The following CPVL variants were observed in gnomAD, a reference collection of about 807,000 sequenced individuals.
CPVL encodes the protein carboxypeptidase vitellogenic like.
A neutral mutation model predicts 63.7 loss-of-function variants in CPVL; 51 were observed. That is an observed-to-expected ratio of 0.80 (90% CI 0.64 to 1.01). The LOEUF (loss-of-function observed/expected upper bound fraction) is 1.01. CPVL is among the 50% of genes least tolerant of loss of function. The probability of loss-of-function intolerance (pLI) is 0.00; values close to 1 mark genes in which losing one functional copy is unlikely to be tolerated. For missense variants in CPVL, 530 were observed against 573.1 expected, an observed-to-expected ratio of 0.92 and a Z score of 0.77; for synonymous variants, 195 against 206.0, an observed-to-expected ratio of 0.95 and a Z score of 0.46.
At chr7:29,071,297 T>C (rs977601040) in intron 9 of CPVL, among the ~76,000 whole-genome samples, 4 of 152,220 alleles carry the variant, frequency 2.6e-5, no homozygotes, top group Non-Finnish European at 5.9e-5. Flanking sequence ...TACTACACTT[T>C]ATAATCTTTG....
At chr7:29,067,535 C>A (rs1783256211) in intron 9 of CPVL, among the ~76,000 whole-genome samples, 1 of 152,154 alleles carries the variant, frequency 6.6e-6, no homozygotes, top group Non-Finnish European at 1.5e-5. Context: ...GAGAGAACAG[C>A]CCCCACTCAA....
chr7:29,080,925 G>A (rs7788913), intron 7 of CPVL, among the ~76,000 whole-genome samples: 16,069 of 152,270 alleles, frequency 0.11, 1,068 homozygotes, highest in Middle Eastern at 0.15. Flanking sequence ...GAGTCTGCCC[G>A]TTTTTGCTGA....
intron 11 of CPVL, among the ~76,000 whole-genome samples, chr7:29,033,935 CTG>C (rs1003095097): frequency 1.3e-5 from 2 of 152,142 alleles, no homozygotes; most frequent in Non-Finnish European, 2.9e-5. Flanking sequence ...CAATGAAAAA[CTG>C]AGACTTCACT....
At chr7:29,150,507 A>C (rs1793442743), upstream of CPVL, among the ~76,000 whole-genome samples, 1 of 152,198 alleles carries the variant, frequency 6.6e-6, no homozygotes, top group Admixed American at 6.5e-5. Flanking sequence ...CTATAGCCGG[A>C]GCTTTGCTGA....
At chr7:29,166,028 T>C (rs1243005729) in intron 5 of CPVL, among the ~76,000 whole-genome samples, 1 of 151,940 alleles carries the variant, frequency 6.6e-6, no homozygotes, top group East Asian at 1.9e-4. Context: ...GCAAAGTGGG[T>C]TTTTGTTTGT....
chr7:29,125,801 G>A (rs1026117718), intron 1 of CPVL, among the ~76,000 whole-genome samples: 1 of 152,148 alleles, frequency 6.6e-6, no homozygotes, highest in African/African-American at 2.4e-5. Context: ...ATTGTTAAAG[G>A]ATGGAGTAAA....
chr7:29,064,305 G>T, intron 10 of CPVL, 71 bp from the exon 11 acceptor site: 1 of 941,218 alleles, frequency 1.1e-6, no homozygotes, highest in South Asian at 1.6e-5. Context: ...GGGAAAAGCT[G>T]TGAATTTCTC....
intron 1 of CPVL, chr7:29,194,755 G>A: frequency 2.2e-6 from 1 of 455,634 alleles, no homozygotes; most frequent in Non-Finnish European, 3.7e-6. Context: ...ATAAATAGCG[G>A]CGGCGGCAGC....
chr7:29,146,451 C>A lies in CPVL; in HGVS notation c.-33G>T. 7.3e-7 allele frequency: 1 copy of A among 1,368,028 alleles called. No individual in the cohort carries two copies. The highest frequency in any genetic ancestry group is 2.5e-5 in the East Asian group (1 of 39,454). The allele number at this position is 1,368,028 out of a possible 1,614,324, so 84.7% of individuals were successfully genotyped here. A position where few individuals can be genotyped will look rare whatever the true frequency, so the allele number is the denominator to read the frequency against. Reference sequence around the variant, plus strand: ...TACGCGGCGCAGTCGGTGCTCCTCCCTGAGCCGCGGCGCGCAAGGACCCCA... The same window carrying A: ...TACGCGGCGCAGTCGGTGCTCCTCCATGAGCCGCGGCGCGCAAGGACCCCA... On this transcript the variant is annotated 5_prime_UTR_variant, in exon 1 of 13. In the 5' UTR this introduces an upstream ATG that the reference lacks. Transcript: ENST00000265394.
chr7:29,074,964 G>A (rs1784099092), intron 7 of CPVL, among the ~76,000 whole-genome samples: 1 of 151,814 alleles, frequency 6.6e-6, no homozygotes, highest in Admixed American at 6.6e-5. Context: ...GCACAAAATA[G>A]GTAAATAAAA....
chr7:29,112,136 C>T lies in CPVL; in HGVS notation c.288+568G>A, dbSNP rs552450404. Among the ~76,000 whole-genome samples the T allele has an allele frequency of 3.3e-5, 5 of 152,332 alleles. No individual in the cohort carries two copies. In the South Asian group the frequency reaches 8.3e-4, roughly 25 times the overall value. ...TTTCCTGCCAGAAGCCTTCCTAGAT[C>T]GGCAATCCTCCCAATCTTCTAAAGA... On this transcript the variant is annotated intron_variant, in intron 3 of 12. Transcript: ENST00000265394.
intron 3 of CPVL, among the ~76,000 whole-genome samples, chr7:29,099,372 T>C (rs1392330857): frequency 6.6e-6 from 1 of 152,204 alleles, no homozygotes; most frequent in Admixed American, 6.5e-5. Context: ...CCTCAAGTGT[T>C]CAAATGTCTA....
chr7:28,996,646 T>C (rs1784105079), intron 12 of CPVL, among the ~76,000 whole-genome samples: 1 of 151,822 alleles, frequency 6.6e-6, no homozygotes, highest in South Asian at 2.1e-4. Context: ...TTTTTCCTAA[T>C]ATTGGATTAT....
intron 11 of CPVL, among the ~76,000 whole-genome samples, chr7:29,041,319 C>T (rs1009333574): frequency 2.6e-5 from 4 of 151,952 alleles, no homozygotes; most frequent in Non-Finnish European, 5.9e-5. Context: ...TCAAGTGATC[C>T]ACCCGCCTTG....
At chr7:29,131,211 C>T (rs1401171009) in intron 1 of CPVL, among the ~76,000 whole-genome samples, 2 of 152,134 alleles carry the variant, frequency 1.3e-5, no homozygotes, top group Admixed American at 6.5e-5. Context: ...AAAAGAATTG[C>T]CTCCTTTCTA....
chr7:29,037,729 T>A (rs369853871), intron 11 of CPVL, among the ~76,000 whole-genome samples: 1 of 152,134 alleles, frequency 6.6e-6, no homozygotes, highest in Non-Finnish European at 1.5e-5. Context: ...ACTCCATAAA[T>A]AACTGCACCA....
chr7:29,015,086 T>G (rs1189704710), intron 12 of CPVL, among the ~76,000 whole-genome samples: 1 of 152,362 alleles, frequency 6.6e-6, no homozygotes, highest in East Asian at 1.9e-4. Flanking sequence ...CAAACAAAAG[T>G]TAATGTGAGT....
At chr7:29,068,515 G>A (rs1222219905) in intron 9 of CPVL, among the ~76,000 whole-genome samples, 2 of 152,040 alleles carry the variant, frequency 1.3e-5, no homozygotes, top group Non-Finnish European at 2.9e-5. Flanking sequence ...TGGCTAAGGG[G>A]TGCAAAGGGA....
intron 5 of CPVL, 27 bp downstream of exon 5, chr7:29,095,057 C>T (rs764931989): frequency 1.7e-5 from 27 of 1,587,340 alleles, no homozygotes; most frequent in Middle Eastern, 1.7e-4. Context: ...CCAGCACTGA[C>T]AGCTCACAGG....
Sources: gnomAD v4.1 joint callset for allele counts (sites outside exome capture counted in the v4.1 genomes callset) on GRCh38, gnomAD v4.1.1 for gene constraint, MANE v1.5 for transcripts, NCBI Gene and HGNC (gene_info 2026-07-23, HGNC 2026-07-21) for gene names.